Variants in MLLT10 observed in about 807,000 individuals in gnomAD.
MLLT10 encodes the protein protein AF-10.
In MLLT10, 30 loss-of-function variants were observed where a neutral mutation model predicts 129.1. That is an observed-to-expected ratio of 0.23 (90% CI 0.17 to 0.32). The LOEUF (loss-of-function observed/expected upper bound fraction) is 0.32, where lower values mean the gene tolerates loss of function less well. MLLT10 is among the 10% of genes least tolerant of loss of function. MLLT10 has a pLI of 1.00. For synonymous variants in MLLT10, 490 were observed against 446.4 expected (o/e 1.10, Z -1.23); for missense variants, 1,119 against 1,268.3 (o/e 0.88, Z 1.79).
At chr10:21,539,961 A>C (rs904450006) in intron 3 of MLLT10, among the ~76,000 whole-genome samples, 1 of 149,894 alleles carries the variant, frequency 6.7e-6, no homozygotes, top group Non-Finnish European at 1.5e-5. Flanking sequence ...AAAAAAAAAC[A>C]AAAAGGAGGT....
At chr10:21,689,601 T>A (rs1245494379) in intron 13 of MLLT10, among the ~76,000 whole-genome samples, 3 of 130,508 alleles carry the variant, frequency 2.3e-5, no homozygotes, top group Non-Finnish European at 3.2e-5. Flanking sequence ...CGTGTGTGTT[T>A]TATATATATA....
chr10:21,657,887 A>C (rs2049770688), intron 9 of MLLT10, among the ~76,000 whole-genome samples: 1 of 152,128 alleles, frequency 6.6e-6, no homozygotes, highest in Non-Finnish European at 1.5e-5. Context: ...TAATTTAAAA[A>C]TTTTAATGTT....
chr10:21,583,197 T>G (rs1414986700), intron 3 of MLLT10, among the ~76,000 whole-genome samples: 2 of 152,078 alleles, frequency 1.3e-5, no homozygotes, highest in Non-Finnish European at 2.9e-5. Context: ...AGTGTTTATG[T>G]AGCATATAGA....
At chr10:21,548,152 GGT>G (rs1446814280) in intron 3 of MLLT10, among the ~76,000 whole-genome samples, 1 of 151,936 alleles carries the variant, frequency 6.6e-6, no homozygotes, top group Non-Finnish European at 1.5e-5. Flanking sequence ...GGTGTCTGTT[GGT>G]TGATAAACAA....
intron 14 of MLLT10, among the ~76,000 whole-genome samples, chr10:21,717,818 T>TCC: frequency 6.9e-6 from 1 of 144,772 alleles, no homozygotes; most frequent in South Asian, 2.3e-4. Context: ...CTTCTCCTTC[T>TCC]TCTCCTCCTT....
At chr10:21,548,479 C>T (rs1404311801) in intron 3 of MLLT10, among the ~76,000 whole-genome samples, 1 of 151,726 alleles carries the variant, frequency 6.6e-6, no homozygotes, top group Non-Finnish European at 1.5e-5. Context: ...ACGCCATTCT[C>T]CTGCCTCAGC....
At chr10:21,706,455 G>A (rs530606627) in intron 13 of MLLT10, among the ~76,000 whole-genome samples, 2 of 152,334 alleles carry the variant, frequency 1.3e-5, no homozygotes, top group East Asian at 1.9e-4. Context: ...TTATTTGCAC[G>A]AGGGAGCAGG....
intron 2 of MLLT10, 102 bp downstream of exon 2, chr10:21,534,906 G>A: frequency 1.2e-6 from 1 of 845,650 alleles, no homozygotes; most frequent in Non-Finnish European, 1.4e-6. Flanking sequence ...CCGTGCCGCG[G>A]CCGCGGGAGG....
At chr10:21,718,122 G>C (rs1016601003) in intron 14 of MLLT10, among the ~76,000 whole-genome samples, 46 of 152,108 alleles carry the variant, frequency 3.0e-4, no homozygotes, top group Admixed American at 1.6e-3. Context: ...TGGGATTACA[G>C]GTGTGGGCCA....
intron 8 of MLLT10, among the ~76,000 whole-genome samples, chr10:21,645,832 C>T (rs1053697199): frequency 1.3e-5 from 2 of 152,160 alleles, no homozygotes; most frequent in African/African-American, 2.4e-5. Flanking sequence ...TTTAAATAGT[C>T]CTATACCTGT....
In MLLT10 at chr10:21,618,574, G is replaced by T. The variant is rs140555185; in HGVS notation, c.699+1367G>T. On this transcript the variant is annotated intron_variant, in intron 8 of 22. Coordinates refer to ENST00000307729, the MANE Select transcript of MLLT10 (RefSeq NM_001195626.3). ...GGTAAACATTGTAGAAACTTAAGTA[G>T]TTTTGAGAGTAAATTCTCTATCATG... 3.3e-3 allele frequency among the ~76,000 whole-genome samples: 499 copies of T among 152,226 alleles called. 4 individuals are homozygous for T. Among genetic ancestry groups the T allele is most frequent in the African/African-American group, 0.011 (468 of 41,560 alleles).
chr10:21,657,538 A>G (rs2049736027), intron 9 of MLLT10, among the ~76,000 whole-genome samples: 1 of 152,138 alleles, frequency 6.6e-6, no homozygotes, highest in African/African-American at 2.4e-5. Flanking sequence ...ATTGAACCTC[A>G]CAGCTTGTTA....
At chr10:21,714,799 T>A (rs1755904805) in intron 14 of MLLT10, among the ~76,000 whole-genome samples, 1 of 152,188 alleles carries the variant, frequency 6.6e-6, no homozygotes, top group South Asian at 2.1e-4. Context: ...CCCAAAGTGT[T>A]AGGATTACAG....
intron 3 of MLLT10, among the ~76,000 whole-genome samples, chr10:21,585,202 G>A (rs573057284): frequency 6.6e-6 from 1 of 152,190 alleles, no homozygotes; most frequent in South Asian, 2.1e-4. Context: ...GGGATTACAG[G>A]TGTGATCCAC....
At chr10:21,630,640 A>T (rs541694239) in intron 8 of MLLT10, among the ~76,000 whole-genome samples, 5 of 152,330 alleles carry the variant, frequency 3.3e-5, no homozygotes, top group Admixed American at 3.3e-4. Flanking sequence ...CCCTGTCAGA[A>T]TGGGGAACTT....
intron 3 of MLLT10, among the ~76,000 whole-genome samples, chr10:21,560,260 C>T (rs980062954): frequency 1.3e-5 from 2 of 152,150 alleles, no homozygotes; most frequent in Non-Finnish European, 2.9e-5. Flanking sequence ...CCGGGCTGGG[C>T]CTCCCAAAGT....
intron 13 of MLLT10, among the ~76,000 whole-genome samples, chr10:21,699,712 T>C (rs1277858921): frequency 4.6e-5 from 7 of 151,980 alleles, no homozygotes; most frequent in African/African-American, 1.7e-4. Flanking sequence ...GGTTTATTGC[T>C]GGGTTCTCTA....
intron 8 of MLLT10, among the ~76,000 whole-genome samples, chr10:21,631,932 GTT>G (rs35117253): frequency 7.8e-4 from 103 of 132,208 alleles, no homozygotes; most frequent in African/African-American, 1.6e-3. Context: ...TTTTTTTTTG[GTT>G]TTTTTTTTTT....
chr10:21,571,811 A>G (rs1244868567), intron 3 of MLLT10, among the ~76,000 whole-genome samples: 1 of 152,162 alleles, frequency 6.6e-6, no homozygotes, highest in Non-Finnish European at 1.5e-5. Flanking sequence ...TTTGAGTTGC[A>G]GAAGGTGTTT....
Sources: gnomAD v4.1 joint callset for allele counts (sites outside exome capture counted in the v4.1 genomes callset) on GRCh38, gnomAD v4.1.1 for gene constraint, MANE v1.5 for transcripts, NCBI Gene and HGNC (gene_info 2026-07-23, HGNC 2026-07-21) for gene names.